Variants in RAD23B observed in about 807,000 individuals in gnomAD.
RAD23B encodes RAD23 nucleotide excision repair protein B, also known as lysine-specific demethylase RAD23B.
Under a neutral mutation model 49.1 loss-of-function variants are expected in RAD23B, and 5 were observed. The ratio of observed to expected loss-of-function variants is 0.10; its 90% confidence interval spans 0.05 to 0.21. The LOEUF (loss-of-function observed/expected upper bound fraction) is 0.21, where lower values mean the gene tolerates loss of function less well. Among genes scored for constraint, RAD23B ranks in the 10% least tolerant of loss-of-function variants. The pLI is 1.00. For synonymous variants in RAD23B, 184 were observed against 165.4 expected, an observed-to-expected ratio of 1.11 and a Z score of -0.86; for missense variants, 356 against 486.7, an observed-to-expected ratio of 0.73 and a Z score of 2.53.
chr9:107,294,457 C>T (rs747310545), intron 1 of RAD23B, among the ~76,000 whole-genome samples: 2 of 152,076 alleles, frequency 1.3e-5, no homozygotes, highest in Non-Finnish European at 2.9e-5. Context: ...GGAATGGGAG[C>T]ATTGGTGTGG....
chr9:107,291,066 G>A (rs528987725), intron 1 of RAD23B, among the ~76,000 whole-genome samples: 2 of 152,178 alleles, frequency 1.3e-5, no homozygotes, highest in African/African-American at 2.4e-5. Flanking sequence ...TGTAAACATT[G>A]TATAAACTTA....
intron 5 of RAD23B, among the ~76,000 whole-genome samples, chr9:107,313,928 T>TTCCTTCCTTTC (rs1485843491): frequency 1.3e-5 from 2 of 151,802 alleles, no homozygotes; most frequent in Non-Finnish European, 2.9e-5. Context: ...TCCTTCCTCC[T>TTCCTTCCTTTC]TCCTTCCTTT....
chr9:107,286,501 ATACAT>A (rs573289609), intron 1 of RAD23B, among the ~76,000 whole-genome samples: 92 of 152,308 alleles, frequency 6.0e-4, no homozygotes, highest in Non-Finnish European at 1.0e-3. Context: ...TATTACTGTG[ATACAT>A]TACATGACCA....
At chr9:107,319,128 CTTTTTTTTTTTT>C (rs56891354) in intron 6 of RAD23B, among the ~76,000 whole-genome samples, 1 of 97,790 alleles carries the variant, frequency 1.0e-5, no homozygotes, top group Non-Finnish European at 1.9e-5. Context: ...TTTCTTTTTT[CTTTTTTTTTTTT>C]TTTTTTTTGA....
chr9:107,320,766 T>C (rs1414547786), intron 6 of RAD23B, among the ~76,000 whole-genome samples: 2 of 152,220 alleles, frequency 1.3e-5, no homozygotes, highest in Non-Finnish European at 2.9e-5. Flanking sequence ...TAAATTTGTA[T>C]GTAGTTTGTT....
intron 6 of RAD23B, among the ~76,000 whole-genome samples, chr9:107,319,983 C>G (rs1564251269): frequency 6.6e-6 from 1 of 152,180 alleles, no homozygotes; most frequent in Admixed American, 6.5e-5. Context: ...GATTCTAACC[C>G]TTTTGGGAAT....
intron 3 of RAD23B, 130 bp from the exon 4 acceptor site, chr9:107,306,249 C>A: frequency 1.2e-6 from 1 of 840,884 alleles, no homozygotes; most frequent in Non-Finnish European, 1.8e-6. Flanking sequence ...TGTCATTTTA[C>A]AAAATTATTT....
intron 1 of RAD23B, among the ~76,000 whole-genome samples, chr9:107,292,117 AAATT>A (rs1833394349): frequency 1.3e-5 from 2 of 152,242 alleles, no homozygotes; most frequent in Admixed American, 1.3e-4. Context: ...TTGTTTAAAA[AAATT>A]AATTAGCAAC....
Position 107,283,511 on chromosome 9 carries a change from C to T in RAD23B, c.-119C>T. On this transcript the variant is annotated 5_prime_UTR_variant, in exon 1 of 10. Transcript: ENST00000358015. ...CGAATGTGACAAGCCCCCACCCCCACCGCCTTCCTCCCCAGAGCGCGAGGA... is the reference window on the plus strand; with the variant it reads ...CGAATGTGACAAGCCCCCACCCCCATCGCCTTCCTCCCCAGAGCGCGAGGA... The T allele has an allele frequency of 2.9e-6, 2 of 681,570 alleles. No homozygotes were observed. The highest frequency in any genetic ancestry group is 1.9e-5 in the African/African-American group (1 of 52,444). 42.2% of individuals were successfully genotyped at this position (681,570 alleles called of 1,614,324 possible).
chr9:107,328,798 TGAG>T (rs1182756193), intron 9 of RAD23B, among the ~76,000 whole-genome samples: 2 of 152,176 alleles, frequency 1.3e-5, no homozygotes. Context: ...TTGAGACAAT[TGAG>T]GAGGGTGACA....
chr9:107,300,998 T>C (rs1197121007), intron 2 of RAD23B, among the ~76,000 whole-genome samples: 1 of 152,208 alleles, frequency 6.6e-6, no homozygotes, highest in African/African-American at 2.4e-5. Flanking sequence ...TCCAGTTTCT[T>C]GTTTTGGCCT....
chr9:107,316,626 T>C (rs1827003862), intron 5 of RAD23B, among the ~76,000 whole-genome samples: 1 of 152,168 alleles, frequency 6.6e-6, no homozygotes, highest in Admixed American at 6.5e-5. Context: ...AAGCAAGATA[T>C]CAAATGCTTA....
At position 107,325,213 on chromosome 9, in the gene RAD23B, C is replaced by G. The variant is rs534042948; in HGVS notation, c.1116+209C>G. 788 of 345,248 alleles carry G rather than the reference C, an allele frequency of 2.3e-3. 9 individuals carry two copies. Among genetic ancestry groups the G allele is most frequent in the African/African-American group, 0.017 (737 of 44,060 alleles). The allele number at this position is 345,248 out of a possible 1,614,324, so 21.4% of individuals were successfully genotyped here. A position where few individuals can be genotyped will look rare whatever the true frequency, so the allele number is the denominator to read the frequency against. On this transcript the variant is annotated intron_variant, in intron 9 of 9. Coordinates refer to ENST00000358015, the MANE Select transcript of RAD23B (RefSeq NM_002874.5). ...CCTGTAATCTCAGCTACTTGGGAGG[C>G]TGAGGCAGGAGAATTGCTTGGACCT...
At chr9:107,289,039 TCTCCCTTCCTCC>T (rs1432719090) in intron 1 of RAD23B, among the ~76,000 whole-genome samples, 3 of 126,796 alleles carry the variant, frequency 2.4e-5, no homozygotes, top group Non-Finnish European at 5.1e-5. Flanking sequence ...TCCCTTCCTC[TCTCCCTTCCTCC>T]CTCCCTTCTT....
chr9:107,329,685 C>T lies in RAD23B; in HGVS notation c.*29C>T. 6.9e-7 allele frequency: 1 copy of T among 1,448,476 alleles called. No homozygotes were observed. The highest frequency in any genetic ancestry group is 9.7e-7 in the Non-Finnish European group (1 of 1,032,010). 89.7% of individuals were successfully genotyped at this position (1,448,476 alleles called of 1,614,324 possible). ...GGACTTTTTTATATCTCACACTTCA[C>T]ACCAGTGCATTACACTAACTTGTTC... On this transcript the variant is annotated 3_prime_UTR_variant, in exon 10 of 10. Transcript: ENST00000358015.
intron 9 of RAD23B, 24 bp from the exon 10 acceptor site, chr9:107,329,519 A>G (rs779673238): frequency 2.1e-6 from 3 of 1,422,800 alleles, no homozygotes; most frequent in Admixed American, 1.7e-5. Context: ...TGTTGGATTT[A>G]TATTTTTTTC....
At chr9:107,326,904 G>T (rs1827217288) in intron 9 of RAD23B, among the ~76,000 whole-genome samples, 1 of 152,068 alleles carries the variant, frequency 6.6e-6, no homozygotes, top group African/African-American at 2.4e-5. Context: ...CTCCTAAAGT[G>T]CTGGGATTAC....
chr9:107,319,170 G>A (rs1018749744), intron 6 of RAD23B, among the ~76,000 whole-genome samples: 8 of 118,172 alleles, frequency 6.8e-5, no homozygotes, highest in Admixed American at 1.2e-4. Flanking sequence ...TCGCTCTGTC[G>A]CCCAGACTGG....
At chr9:107,306,695 A>G (rs1292663490) in intron 4 of RAD23B, 48 bp downstream of exon 4, 3 of 1,555,240 alleles carry the variant, frequency 1.9e-6, no homozygotes, top group Non-Finnish European at 2.6e-6. Flanking sequence ...CGTGTTTAAC[A>G]GGAACTTCAT....
Sources: gnomAD v4.1 joint callset for allele counts (sites outside exome capture counted in the v4.1 genomes callset) on GRCh38, gnomAD v4.1.1 for gene constraint, MANE v1.5 for transcripts, NCBI Gene and HGNC (gene_info 2026-07-23, HGNC 2026-07-21) for gene names.